The following NAA11 variants were observed in gnomAD, a reference collection of about 807,000 sequenced individuals.
The protein encoded by NAA11 is N-alpha-acetyltransferase 11, NatA catalytic subunit, also known as N-alpha-acetyltransferase 11.
Under a neutral mutation model 16.1 loss-of-function variants are expected in NAA11, and 15 were observed. The ratio of observed to expected loss-of-function variants is 0.93; its 90% CI spans 0.62 to 1.44. NAA11 has a LOEUF of 1.44. Among genes scored for constraint, NAA11 ranks in the 40% most tolerant of loss-of-function variants. The pLI is 0.00. For missense variants in NAA11, 298 were observed against 291.3 expected, an observed-to-expected ratio of 1.02 and a Z score of -0.17; for synonymous variants, 122 against 112.4, an observed-to-expected ratio of 1.09 and a Z score of -0.54.
At chr4:79,249,357 A>T (rs1330135106) in intron 2 of NAA11, among the ~76,000 whole-genome samples, 1 of 152,252 alleles carries the variant, frequency 6.6e-6, no homozygotes, top group African/African-American at 2.4e-5. Flanking sequence ...TAATCCAAGG[A>T]ATCTAAGGAT....
chr4:79,285,241 GTTGT>G (rs1329798708), intron 2 of NAA11, among the ~76,000 whole-genome samples: 6 of 152,082 alleles, frequency 3.9e-5, no homozygotes, highest in Non-Finnish European at 5.9e-5. Flanking sequence ...CATGTTAACT[GTTGT>G]TTATTTTTCA....
chr4:79,167,626 C>T, the NAA11 span, among the ~76,000 whole-genome samples: 1 of 152,156 alleles, frequency 6.6e-6, no homozygotes, highest in East Asian at 1.9e-4. Flanking sequence ...TCAGTCCATT[C>T]TCTCATTGCT....
At chr4:79,218,219 G>C in the NAA11 span, among the ~76,000 whole-genome samples, 1 of 152,074 alleles carries the variant, frequency 6.6e-6, no homozygotes, top group Non-Finnish European at 1.5e-5. Flanking sequence ...CACTCAGCTA[G>C]ACATCCATTA....
intron 1 of NAA11, among the ~76,000 whole-genome samples, chr4:79,324,002 CAAAA>C (rs35787469): frequency 5.9e-5 from 7 of 118,158 alleles, no homozygotes; most frequent in Admixed American, 1.7e-4. Context: ...GACTCTGTCT[CAAAA>C]AAAAAAAAAA....
At chr4:79,302,034 G>C (rs1047990297) in intron 1 of NAA11, among the ~76,000 whole-genome samples, 3 of 151,992 alleles carry the variant, frequency 2.0e-5, no homozygotes, top group Non-Finnish European at 4.4e-5. Context: ...TGGTTTATTT[G>C]GCCCTGCATT....
At chr4:79,286,994 G>A (rs1030528395) in intron 2 of NAA11, among the ~76,000 whole-genome samples, 2 of 152,074 alleles carry the variant, frequency 1.3e-5, no homozygotes, top group African/African-American at 4.8e-5. Flanking sequence ...AACCAAAGTA[G>A]CGCACTCTCC....
At chr4:79,170,875 G>T in the NAA11 span, among the ~76,000 whole-genome samples, 16 of 151,624 alleles carry the variant, frequency 1.1e-4, no homozygotes, top group Non-Finnish European at 4.4e-5. Flanking sequence ...ATTTATCTTT[G>T]ATTAACTGAG....
chr4:79,258,004 C>T (rs1722159262), intron 2 of NAA11, among the ~76,000 whole-genome samples: 1 of 152,166 alleles, frequency 6.6e-6, no homozygotes. Flanking sequence ...CAGTAGTGGC[C>T]CATCTGGAGC....
At chr4:79,218,384 T>G in the NAA11 span, among the ~76,000 whole-genome samples, 1 of 151,846 alleles carries the variant, frequency 6.6e-6, no homozygotes, top group African/African-American at 2.4e-5. Context: ...GACAACATAG[T>G]CTATGGTGAC....
At chr4:79,231,195 G>A (rs1404137969) in intron 2 of NAA11, among the ~76,000 whole-genome samples, 3 of 151,874 alleles carry the variant, frequency 2.0e-5, no homozygotes, top group African/African-American at 4.8e-5. Context: ...TCTTGGAAAC[G>A]GTTTGTTATT....
chr4:79,211,192 A>C, the NAA11 span, among the ~76,000 whole-genome samples: 75 of 152,324 alleles, frequency 4.9e-4, no homozygotes, highest in African/African-American at 1.6e-3. Context: ...GAGGGAAAAG[A>C]GGTAGTTTTA....
intron 2 of NAA11, among the ~76,000 whole-genome samples, chr4:79,264,554 C>A (rs1169105992): frequency 6.6e-6 from 1 of 152,146 alleles, no homozygotes; most frequent in East Asian, 1.9e-4. Context: ...TTTATCTATA[C>A]CATTCCAAAA....
chr4:79,285,749 A>G (rs975088230), intron 2 of NAA11, among the ~76,000 whole-genome samples: 3 of 152,102 alleles, frequency 2.0e-5, no homozygotes, highest in Non-Finnish European at 4.4e-5. Flanking sequence ...AAGATTTTCT[A>G]GTAGTGTAAA....
chr4:79,262,725 A>G (rs1722267489), intron 2 of NAA11, among the ~76,000 whole-genome samples: 1 of 152,002 alleles, frequency 6.6e-6, no homozygotes, highest in Admixed American at 6.5e-5. Flanking sequence ...AAGAAACTCT[A>G]TTTGTTTAGT....
chr4:79,218,667 A>G, the NAA11 span, among the ~76,000 whole-genome samples: 1 of 152,030 alleles, frequency 6.6e-6, no homozygotes, highest in Non-Finnish European at 1.5e-5. Context: ...ATTTTTTAAT[A>G]TTTTAATGTC....
the NAA11 span, among the ~76,000 whole-genome samples, chr4:79,177,789 G>A: frequency 3.9e-5 from 6 of 152,050 alleles, no homozygotes; most frequent in African/African-American, 1.4e-4. Context: ...GGCTTTTTGG[G>A]AAAGATAATT....
the NAA11 span, among the ~76,000 whole-genome samples, chr4:79,195,021 G>T: frequency 2.0e-5 from 3 of 152,062 alleles, no homozygotes; most frequent in Non-Finnish European, 4.4e-5. Flanking sequence ...GAGAAAAAAG[G>T]ATGAGACAGA....
the NAA11 span, among the ~76,000 whole-genome samples, chr4:79,212,683 T>C: frequency 2.0e-5 from 3 of 152,154 alleles, no homozygotes; most frequent in African/African-American, 7.2e-5. Context: ...GAATTCATAG[T>C]CACGTAACTT....
At chr4:79,222,523 C>G (rs1447197631), downstream of NAA11, among the ~76,000 whole-genome samples, 1 of 150,320 alleles carries the variant, frequency 6.7e-6, no homozygotes, top group Non-Finnish European at 1.5e-5. Flanking sequence ...AAACGTTAGA[C>G]CTAAAACCAT....
Sources: gnomAD v4.1 joint callset for allele counts (sites outside exome capture counted in the v4.1 genomes callset) on GRCh38, gnomAD v4.1.1 for gene constraint, MANE v1.5 for transcripts, NCBI Gene and HGNC (gene_info 2026-07-23, HGNC 2026-07-21) for gene names.